The following RELN variants were observed in gnomAD, a reference collection of about 807,000 sequenced individuals.
The protein encoded by RELN is reelin.
Under a neutral mutation model 427.6 loss-of-function variants are expected in RELN, and 108 were observed. The observed-to-expected ratio is 0.25, with a 90% confidence interval of 0.22 to 0.30. RELN has a LOEUF of 0.30. RELN is among the 10% of genes least tolerant of loss of function. The pLI, the probability that RELN is intolerant of heterozygous loss-of-function variation, is 1.00. For missense variants in RELN, 3,715 were observed against 4,302.8 expected, an observed-to-expected ratio of 0.86 and a Z score of 3.82; for synonymous variants, 1,524 against 1,513.4, an observed-to-expected ratio of 1.01 and a Z score of -0.16.
intron 63 of RELN, 181 bp from the exon 64 acceptor site, chr7:103,478,575 G>T (rs961810793): frequency 1.6e-6 from 1 of 633,280 alleles, no homozygotes; most frequent in Non-Finnish European, 2.8e-6. Context: ...CTATACCCAA[G>T]ATCTACATAT....
chr7:103,621,146 TA>T (rs1832209576), intron 20 of RELN, among the ~76,000 whole-genome samples: 1 of 152,224 alleles, frequency 6.6e-6, no homozygotes, highest in Non-Finnish European at 1.5e-5. Flanking sequence ...TGTCTCATGT[TA>T]AATATAAGTA....
intron 50 of RELN, among the ~76,000 whole-genome samples, chr7:103,511,455 C>A (rs908066120): frequency 9.2e-5 from 14 of 151,622 alleles, no homozygotes; most frequent in African/African-American, 3.4e-4. Context: ...TTTTTTAATA[C>A]CGGATAGGGA....
chr7:103,941,161 A>C (rs894712916), intron 1 of RELN, among the ~76,000 whole-genome samples: 1 of 152,180 alleles, frequency 6.6e-6, no homozygotes, highest in African/African-American at 2.4e-5. Flanking sequence ...ACTACCCCTC[A>C]GAAGAGCTTA....
chr7:103,911,526 A>G (rs1392227986), intron 2 of RELN, among the ~76,000 whole-genome samples: 1 of 148,382 alleles, frequency 6.7e-6, no homozygotes, highest in Admixed American at 6.7e-5. Context: ...ATGACTATAA[A>G]TCATGCTGCT....
At chr7:103,502,928 A>C in intron 52 of RELN, 88 bp downstream of exon 52, 1 of 1,097,334 alleles carries the variant, frequency 9.1e-7, no homozygotes, top group Admixed American at 1.9e-5. Flanking sequence ...ACCCACAAAT[A>C]CACATAATTT....
At chr7:103,506,968 G>A (rs1160924492) in intron 51 of RELN, among the ~76,000 whole-genome samples, 8 of 152,140 alleles carry the variant, frequency 5.3e-5, no homozygotes, top group Non-Finnish European at 8.8e-5. Flanking sequence ...AGGAATCAAC[G>A]CAACAAGAAG....
intron 1 of RELN, among the ~76,000 whole-genome samples, chr7:103,986,962 GT>G (rs1473971325): frequency 4.6e-5 from 6 of 130,888 alleles, no homozygotes; most frequent in African/African-American, 1.1e-4. Flanking sequence ...GTGTGTGTGT[GT>G]GTGTGTGTGT....
chr7:103,712,874 T>C lies in RELN; in HGVS notation c.805+10266A>G, dbSNP rs150993278. ...TTAGTCTCTCAAGTCCTGGGTAGTTTTGGGTAGTTTTTTTTTTATTTGGTT... is the reference window on the plus strand; with the variant it reads ...TTAGTCTCTCAAGTCCTGGGTAGTTCTGGGTAGTTTTTTTTTTATTTGGTT... On this transcript the variant is annotated intron_variant, in intron 8 of 64. Coordinates refer to ENST00000428762, the MANE Select transcript of RELN (RefSeq NM_005045.4). Among the ~76,000 whole-genome samples, 790 of 152,270 alleles carry C rather than the reference T, an allele frequency of 5.2e-3. 2 individuals carry two copies. The highest frequency in any genetic ancestry group is 0.018 in the African/African-American group (758 of 41,556).
intron 11 of RELN, among the ~76,000 whole-genome samples, chr7:103,661,973 AAAAGTCTAGC>A (rs1243819714): frequency 6.6e-6 from 1 of 152,194 alleles, no homozygotes; most frequent in African/African-American, 2.4e-5. Flanking sequence ...AAGAATTGGC[AAAAGTCTAGC>A]AAGTTTTCAA....
At chr7:103,491,173 G>A (rs895066460) in intron 58 of RELN, among the ~76,000 whole-genome samples, 2 of 152,206 alleles carry the variant, frequency 1.3e-5, no homozygotes, top group African/African-American at 4.8e-5. Context: ...GTTTAAAGGT[G>A]ATAGTCGGAG....
rs138734401 is a variant in RELN, at chr7:103,737,445, A to T, written c.657-9238T>A. Among the ~76,000 whole-genome samples the T allele has an allele frequency of 3.1e-3, 470 of 152,288 alleles. 1 individual carries two copies. Among genetic ancestry groups the T allele is most frequent in the African/African-American group, 0.011 (449 of 41,558 alleles). On this transcript the variant is annotated intron_variant, in intron 6 of 64. Transcript: ENST00000428762. ...CTCACACTTGGCTACTAAATGGAGG[A>T]GTCTTCTGTTTTTTATTATTTATGG...
At chr7:103,699,523 G>A (rs1186537468) in intron 9 of RELN, among the ~76,000 whole-genome samples, 1 of 151,922 alleles carries the variant, frequency 6.6e-6, no homozygotes. Context: ...AAAATAGATG[G>A]GTTCAGCTGA....
chr7:103,736,279 T>C (rs1463188569), intron 6 of RELN, among the ~76,000 whole-genome samples: 1 of 152,186 alleles, frequency 6.6e-6, no homozygotes, highest in Non-Finnish European at 1.5e-5. Flanking sequence ...GGCATGACCA[T>C]TACACCTGTA....
rs1469194074 is a variant in RELN at position 103,490,788 on chromosome 7, G to A, written c.9485C>T (p.Ser3162Phe). The A allele has an allele frequency of 6.2e-7, 1 of 1,614,182 alleles. No individual in the cohort carries two copies. Among genetic ancestry groups the A allele is most frequent in the Admixed American group, 1.7e-5 (1 of 60,024 alleles). Residue 3162 changes from serine to phenylalanine, a missense_variant, in exon 59 of 65, where the codon TCC (serine) becomes TTC (phenylalanine). Coordinates refer to ENST00000428762, the MANE Select transcript of RELN (RefSeq NM_005045.4). ...GGAGCAGCCAATGCTGTTAGAAGAGGAAGGAAGGCACTGGGTCTGTACGAG... is the reference window on the plus strand; with the variant it reads ...GGAGCAGCCAATGCTGTTAGAAGAGAAAGGAAGGCACTGGGTCTGTACGAG... ...WQLVQTQCLP[S>F]SSNSIGCSPF... is the part of the protein sequence containing the mutation.
intron 6 of RELN, among the ~76,000 whole-genome samples, chr7:103,747,805 T>C (rs1042641936): frequency 1.3e-5 from 2 of 152,076 alleles, no homozygotes; most frequent in Non-Finnish European, 2.9e-5. Context: ...GAAAAAACTT[T>C]TTTAAAAAAA....
chr7:103,923,187 T>C (rs1416582070), intron 1 of RELN, among the ~76,000 whole-genome samples: 1 of 152,180 alleles, frequency 6.6e-6, no homozygotes, highest in African/African-American at 2.4e-5. Flanking sequence ...AATATCTTTC[T>C]CTGAAGAAGA....
intron 2 of RELN, among the ~76,000 whole-genome samples, chr7:103,888,742 G>T (rs1237613352): frequency 6.6e-6 from 1 of 152,078 alleles, no homozygotes; most frequent in Non-Finnish European, 1.5e-5. Context: ...ACAGACACAG[G>T]CCTGCACCAA....
chr7:103,748,552 A>G (rs997418078), intron 6 of RELN, among the ~76,000 whole-genome samples: 2 of 152,206 alleles, frequency 1.3e-5, no homozygotes, highest in Admixed American at 6.5e-5. Context: ...CTACTAAACC[A>G]TTCGTTACTT....
At chr7:103,525,478 T>A (rs1829802935) in intron 46 of RELN, among the ~76,000 whole-genome samples, 1 of 152,196 alleles carries the variant, frequency 6.6e-6, no homozygotes, top group South Asian at 2.1e-4. Flanking sequence ...ATCCAGGGGC[T>A]TCCATTCTCA....
Sources: gnomAD v4.1 joint callset for allele counts (sites outside exome capture counted in the v4.1 genomes callset) on GRCh38, gnomAD v4.1.1 for gene constraint, MANE v1.5 for transcripts, NCBI Gene and HGNC (gene_info 2026-07-23, HGNC 2026-07-21) for gene names.